The following WDFY3 variants were observed in gnomAD, a reference collection of about 807,000 sequenced individuals.
WDFY3 encodes WD repeat and FYVE domain containing 3.
A neutral mutation model predicts 409.6 loss-of-function variants in WDFY3; 66 were observed. That is an observed-to-expected ratio of 0.16 (90% confidence interval 0.13 to 0.20). The LOEUF (loss-of-function observed/expected upper bound fraction) is 0.20. Ranked by LOEUF, WDFY3 falls within the 10% of genes least tolerant of loss-of-function variation. The probability of loss-of-function intolerance (pLI) is 1.00; values close to 1 mark genes in which losing one functional copy is unlikely to be tolerated. For missense variants in WDFY3, 3,031 were observed against 4,298.1 expected (o/e 0.71, Z 8.24); for synonymous variants, 1,521 against 1,537.1 (o/e 0.99, Z 0.25).
chr4:84,875,811 C>A (rs1349068349), intron 3 of WDFY3, among the ~76,000 whole-genome samples: 1 of 152,178 alleles, frequency 6.6e-6, no homozygotes, highest in African/African-American at 2.4e-5. Context: ...TCTTCCTCCT[C>A]CATATCTTGT....
chr4:84,720,406 G>A (rs1734660124), intron 47 of WDFY3, among the ~76,000 whole-genome samples: 1 of 152,138 alleles, frequency 6.6e-6, no homozygotes, highest in South Asian at 2.1e-4. Context: ...AAGGAAGGGG[G>A]CATTTTGGCA....
chr4:84,812,998 C>A (rs1560825253), intron 13 of WDFY3, among the ~76,000 whole-genome samples: 1 of 152,066 alleles, frequency 6.6e-6, no homozygotes, highest in Non-Finnish European at 1.5e-5. Context: ...AAATACAATT[C>A]ATACAATTCA....
chr4:84,814,672 C>A (rs985142291), intron 13 of WDFY3, among the ~76,000 whole-genome samples: 3 of 151,958 alleles, frequency 2.0e-5, no homozygotes, highest in African/African-American at 4.8e-5. Flanking sequence ...GTTCAAGTAA[C>A]CCTTATTTTA....
intron 19 of WDFY3, 65 bp from the exon 20 acceptor site, chr4:84,795,044 T>G: frequency 9.6e-4 from 886 of 918,842 alleles, no homozygotes; most frequent in Non-Finnish European, 1.2e-3. Flanking sequence ...ACTGTGCACT[T>G]ACCACAGTGA....
intron 3 of WDFY3, among the ~76,000 whole-genome samples, chr4:84,870,479 G>A (rs1578904763): frequency 6.6e-6 from 1 of 152,128 alleles, no homozygotes; most frequent in East Asian, 1.9e-4. Context: ...TAGCATGAGA[G>A]GGAGAAATGC....
At chr4:84,903,928 C>A (rs1341688997) in intron 2 of WDFY3, among the ~76,000 whole-genome samples, 1 of 152,056 alleles carries the variant, frequency 6.6e-6, no homozygotes, top group Non-Finnish European at 1.5e-5. Flanking sequence ...CCTGCCTGCC[C>A]GCCTGCCTGC....
Position 84,733,624 on chromosome 4 carries a change from T to A in WDFY3, c.6994-15A>T. ...TTCTGCTGACGCTGACAGGAAAGAG[T>A]CCAGGTCGGTTTTCAAGCAAAAGCA... On this transcript the variant is annotated splice_polypyrimidine_tract_variant and intron_variant, in intron 43 of 67. Transcript: ENST00000295888. 2 of 1,589,870 alleles carry A rather than the reference T, an allele frequency of 1.3e-6. No homozygotes were observed. The highest frequency in any genetic ancestry group is 1.7e-6 in the Non-Finnish European group (2 of 1,167,762).
chr4:84,707,086 A>G (rs999465208), intron 53 of WDFY3, among the ~76,000 whole-genome samples: 15 of 151,804 alleles, frequency 9.9e-5, no homozygotes, highest in African/African-American at 3.6e-4. Flanking sequence ...CTACAGATGC[A>G]TGCCACCATG....
chr4:84,819,637 A>G (rs1682730014), intron 12 of WDFY3, among the ~76,000 whole-genome samples: 1 of 152,142 alleles, frequency 6.6e-6, no homozygotes, highest in Non-Finnish European at 1.5e-5. Context: ...AATATTTAGT[A>G]AAGTTAATTA....
intron 42 of WDFY3, 82 bp from the exon 43 acceptor site, chr4:84,735,202 A>C (rs953031398): frequency 1.6e-6 from 2 of 1,252,080 alleles, no homozygotes. Flanking sequence ...ATTAATGCTA[A>C]ATAATTGGTT....
chr4:84,736,348 A>AT (rs1737426505), intron 41 of WDFY3, 21 bp from the exon 42 acceptor site: 2 of 1,565,294 alleles, frequency 1.3e-6, no homozygotes, highest in African/African-American at 2.8e-5. Flanking sequence ...ATCAAATTAG[A>AT]TTATTTTATA....
At chr4:84,770,618 G>A (rs1229620962) in intron 30 of WDFY3, among the ~76,000 whole-genome samples, 1 of 152,108 alleles carries the variant, frequency 6.6e-6, no homozygotes, top group East Asian at 1.9e-4. Context: ...TGCTAACTTA[G>A]TACCTTAATC....
chr4:84,802,120 G>C (rs913919206), intron 16 of WDFY3, among the ~76,000 whole-genome samples: 4 of 151,826 alleles, frequency 2.6e-5, no homozygotes, highest in Admixed American at 2.6e-4. Context: ...GTTAACTTTT[G>C]TATTTTTAGT....
At chr4:84,715,863 G>T (rs1335096976) in intron 49 of WDFY3, among the ~76,000 whole-genome samples, 1 of 148,742 alleles carries the variant, frequency 6.7e-6, no homozygotes, top group African/African-American at 2.5e-5. Flanking sequence ...ACAATAAATA[G>T]ATATTTCTTA....
At chr4:84,743,911 ATT>A in intron 36 of WDFY3, 112 bp from the exon 37 acceptor site, 1 of 617,844 alleles carries the variant, frequency 1.6e-6, no homozygotes, top group South Asian at 4.4e-5. Context: ...CTACTAATAA[ATT>A]TGTTTTAAAT....
chr4:84,722,791 A>G (rs1246830920), intron 46 of WDFY3, among the ~76,000 whole-genome samples: 24 of 152,214 alleles, frequency 1.6e-4, no homozygotes, highest in Admixed American at 1.6e-3. Context: ...TTGGAAAAGC[A>G]CAAGTCAGCC....
intron 24 of WDFY3, among the ~76,000 whole-genome samples, chr4:84,784,312 G>A (rs1246272004): frequency 5.3e-5 from 8 of 152,062 alleles, no homozygotes; most frequent in Admixed American, 1.3e-4. Flanking sequence ...CTCCAGATTC[G>A]TATTTCCAAT....
chr4:84,952,837 T>C (rs1773779693), intron 1 of WDFY3, among the ~76,000 whole-genome samples: 2 of 152,098 alleles, frequency 1.3e-5, no homozygotes, highest in African/African-American at 2.4e-5. Context: ...AAAGCATACA[T>C]GGTAGATTGG....
At chr4:84,680,929 C>T (rs1727243270) in intron 64 of WDFY3, among the ~76,000 whole-genome samples, 1 of 152,112 alleles carries the variant, frequency 6.6e-6, no homozygotes. Flanking sequence ...GATACTGAGC[C>T]CACCAAAGTT....
Sources: allele counts gnomAD v4.1 joint callset (sites outside exome capture counted in the v4.1 genomes callset), GRCh38; gene constraint gnomAD v4.1.1; transcripts MANE v1.5; gene names NCBI Gene and HGNC (gene_info 2026-07-23, HGNC 2026-07-21).